TRPC7: variants seen among roughly 807,000 people sequenced by gnomAD.
TRPC7 encodes the protein short transient receptor potential channel 7.
Under a neutral mutation model 90.1 loss-of-function variants are expected in TRPC7, and 42 were observed. The ratio of observed to expected loss-of-function variants is 0.47; its 90% confidence interval spans 0.36 to 0.60. The LOEUF is 0.60. Among genes scored for constraint, TRPC7 ranks in the 20% least tolerant of loss-of-function variants. The pLI is 0.00. For missense variants in TRPC7, 955 were observed against 1,112.3 expected (o/e 0.86, Z 2.01); for synonymous variants, 451 against 436.3 (o/e 1.03, Z -0.42).
At chr5:136,306,798 T>A (rs1758647761) in intron 3 of TRPC7, among the ~76,000 whole-genome samples, 1 of 152,240 alleles carries the variant, frequency 6.6e-6, no homozygotes, top group Non-Finnish European at 1.5e-5. Context: ...AGTTTCTTTG[T>A]AATTCTCCCC....
chr5:136,215,559 A>T (rs1212664837), intron 11 of TRPC7, among the ~76,000 whole-genome samples: 1 of 152,224 alleles, frequency 6.6e-6, no homozygotes, highest in Non-Finnish European at 1.5e-5. Context: ...GCAGTGGCTC[A>T]TGCCTGTAAT....
intron 4 of TRPC7, among the ~76,000 whole-genome samples, chr5:136,272,813 T>A (rs2149814745): frequency 6.6e-6 from 1 of 152,274 alleles, no homozygotes; most frequent in African/African-American, 2.4e-5. Context: ...CTGCCATAGG[T>A]CTGACCCCTA....
chr5:136,281,896 T>C (rs1206538415), intron 3 of TRPC7, among the ~76,000 whole-genome samples: 1 of 152,214 alleles, frequency 6.6e-6, no homozygotes, highest in East Asian at 1.9e-4. Flanking sequence ...AAACCACTTA[T>C]ATCATGCATC....
At chr5:136,323,233 G>T (rs905497747) in intron 2 of TRPC7, among the ~76,000 whole-genome samples, 1 of 152,350 alleles carries the variant, frequency 6.6e-6, no homozygotes, top group Non-Finnish European at 1.5e-5. Flanking sequence ...CTTTGGCCAT[G>T]ATTGGGGCCT....
intron 2 of TRPC7, among the ~76,000 whole-genome samples, chr5:136,324,390 C>T (rs1050795527): frequency 6.6e-6 from 1 of 152,118 alleles, no homozygotes; most frequent in African/African-American, 2.4e-5. Context: ...TGGTTTTTAA[C>T]CCAAATTAAT....
intron 3 of TRPC7, among the ~76,000 whole-genome samples, chr5:136,280,944 G>T (rs1757529226): frequency 6.6e-6 from 1 of 152,160 alleles, no homozygotes; most frequent in African/African-American, 2.4e-5. Flanking sequence ...TCTACCATCA[G>T]TCACAAAAGT....
chr5:136,354,118 A>T (rs1269147379), intron 2 of TRPC7, among the ~76,000 whole-genome samples: 2 of 152,248 alleles, frequency 1.3e-5, no homozygotes, highest in Non-Finnish European at 2.9e-5. Flanking sequence ...TTGGCTTGAA[A>T]TATCTGAATT....
intron 3 of TRPC7, among the ~76,000 whole-genome samples, chr5:136,275,848 A>G (rs889325838): frequency 6.6e-6 from 1 of 152,208 alleles, no homozygotes; most frequent in Non-Finnish European, 1.5e-5. Context: ...CTGGGTAGCT[A>G]TCTTCCACTT....
At position 136,365,387 on chromosome 5, in the gene TRPC7, CA is replaced by C. The variant is rs1760691385; in HGVS notation, c.-134del. 10 of 927,862 alleles carry C rather than the reference CA, an allele frequency of 1.1e-5. No individual in the cohort carries two copies. The highest frequency in any genetic ancestry group is 1.2e-5 in the Non-Finnish European group (7 of 601,848). The allele number at this position is 927,862 out of a possible 1,614,324, so 57.5% of individuals were successfully genotyped here. A position where few individuals can be genotyped will look rare whatever the true frequency, so the allele number is the denominator to read the frequency against. On this transcript the variant is annotated 5_prime_UTR_variant, in exon 1 of 12. Transcript: ENST00000513104. ...CGTGGTGCTGAAGTATAGAGCTGGT[CA>C]AGTGAGTTAAGTTGCAACGATGTGA...
At chr5:136,326,930 T>G (rs1361905846) in intron 2 of TRPC7, among the ~76,000 whole-genome samples, 1 of 152,004 alleles carries the variant, frequency 6.6e-6, no homozygotes, top group Non-Finnish European at 1.5e-5. Context: ...TTAGAAGACC[T>G]GGGGGGAGGT....
intron 7 of TRPC7, among the ~76,000 whole-genome samples, chr5:136,243,855 C>T (rs112122848): frequency 1.4e-4 from 22 of 152,128 alleles, no homozygotes; most frequent in African/African-American, 3.4e-4. Flanking sequence ...GGAACTGCCA[C>T]GGCGATAAAT....
intron 2 of TRPC7, among the ~76,000 whole-genome samples, chr5:136,352,904 G>A (rs1760244836): frequency 1.3e-5 from 2 of 152,142 alleles, no homozygotes; most frequent in South Asian, 4.1e-4. Flanking sequence ...TCCATCAAAC[G>A]CCGCTATTAA....
intron 2 of TRPC7, among the ~76,000 whole-genome samples, chr5:136,322,015 C>T (rs1463638959): frequency 3.3e-5 from 5 of 151,588 alleles, no homozygotes; most frequent in Admixed American, 1.3e-4. Flanking sequence ...TATTCCTGTA[C>T]AAGATTTTTT....
intron 3 of TRPC7, among the ~76,000 whole-genome samples, chr5:136,298,062 TG>T (rs1758243539): frequency 6.6e-6 from 1 of 152,190 alleles, no homozygotes; most frequent in Non-Finnish European, 1.5e-5. Context: ...AGTGGTGAGT[TG>T]CTGCTACAGA....
intron 3 of TRPC7, among the ~76,000 whole-genome samples, chr5:136,289,482 C>A (rs915158923): frequency 3.3e-5 from 5 of 152,266 alleles, no homozygotes; most frequent in African/African-American, 1.2e-4. Flanking sequence ...ACAAATGGCA[C>A]ACCAGGAGAT....
At chr5:136,353,842 C>A (rs148520266) in intron 2 of TRPC7, among the ~76,000 whole-genome samples, 152 of 152,272 alleles carry the variant, frequency 1.0e-3, no homozygotes, top group African/African-American at 3.2e-3. Context: ...TCTTAATTGT[C>A]CACAATTTTC....
At chr5:136,220,717 T>A (rs1755426439) in intron 10 of TRPC7, among the ~76,000 whole-genome samples, 2 of 152,198 alleles carry the variant, frequency 1.3e-5, no homozygotes, top group African/African-American at 2.4e-5. Flanking sequence ...AGGCATATGA[T>A]CTTTGTTCTC....
At chr5:136,358,967 T>A (rs1034333295) in intron 1 of TRPC7, among the ~76,000 whole-genome samples, 7 of 152,246 alleles carry the variant, frequency 4.6e-5, no homozygotes, top group African/African-American at 1.4e-4. Context: ...TGTCTTTTTT[T>A]AATTTGTTAT....
intron 2 of TRPC7, among the ~76,000 whole-genome samples, chr5:136,345,737 C>A (rs553762435): frequency 6.6e-6 from 1 of 152,112 alleles, no homozygotes; most frequent in Non-Finnish European, 1.5e-5. Flanking sequence ...GCTTTTGTTG[C>A]CATTGCTTTT....
Sources: gnomAD v4.1 joint callset for allele counts (sites outside exome capture counted in the v4.1 genomes callset) on GRCh38, gnomAD v4.1.1 for gene constraint, MANE v1.5 for transcripts, NCBI Gene and HGNC (gene_info 2026-07-23, HGNC 2026-07-21) for gene names.